The following MTUS2 variants were observed in gnomAD, a reference collection of about 807,000 sequenced individuals.
The protein encoded by MTUS2 is microtubule-associated tumor suppressor candidate 2.
A neutral mutation model predicts 114.1 loss-of-function variants in MTUS2; 40 were observed. The ratio of observed to expected loss-of-function variants is 0.35; its 90% CI spans 0.27 to 0.46. The LOEUF is 0.46. Among genes scored for constraint, MTUS2 ranks in the 20% least tolerant of loss-of-function variants. The probability of loss-of-function intolerance (pLI) is 1.00; values close to 1 mark genes in which losing one functional copy is unlikely to be tolerated. For missense variants in MTUS2, 1,679 were observed against 1,705.4 expected, an observed-to-expected ratio of 0.98 and a Z score of 0.27; for synonymous variants, 688 against 672.0, an observed-to-expected ratio of 1.02 and a Z score of -0.37.
chr13:28,944,796 G>A (rs972396794), intron 2 of MTUS2, among the ~76,000 whole-genome samples: 2 of 152,138 alleles, frequency 1.3e-5, no homozygotes, highest in African/African-American at 4.8e-5. Context: ...AACACCATTC[G>A]TGATAGGTAC....
intron 5 of MTUS2, among the ~76,000 whole-genome samples, chr13:29,239,112 A>G (rs1370070608): frequency 6.6e-6 from 1 of 152,196 alleles, no homozygotes; most frequent in Non-Finnish European, 1.5e-5. Context: ...TGTTCTCACC[A>G]CAGACACACA....
At chr13:29,196,483 C>G (rs1169113350) in intron 5 of MTUS2, among the ~76,000 whole-genome samples, 1 of 151,952 alleles carries the variant, frequency 6.6e-6, no homozygotes, top group Admixed American at 6.6e-5. Context: ...AATTTACTAT[C>G]TTAACCATTT....
chr13:28,876,802 C>A (rs1877961777), intron 2 of MTUS2, among the ~76,000 whole-genome samples: 1 of 152,142 alleles, frequency 6.6e-6, no homozygotes, highest in Admixed American at 6.6e-5. Flanking sequence ...GGTAAATGAT[C>A]AAACAATGTT....
chr13:28,831,578 T>C (rs563761020), intron 1 of MTUS2, among the ~76,000 whole-genome samples: 1 of 152,160 alleles, frequency 6.6e-6, no homozygotes, highest in African/African-American at 2.4e-5. Context: ...GTTAAAGGGA[T>C]CAATTTCTCA....
chr13:29,242,926 C>T (rs1422035841), intron 5 of MTUS2, among the ~76,000 whole-genome samples: 2 of 152,278 alleles, frequency 1.3e-5, no homozygotes, highest in Non-Finnish European at 2.9e-5. Flanking sequence ...GCCCAAGTAA[C>T]TTCCACTGGT....
intron 4 of MTUS2, among the ~76,000 whole-genome samples, chr13:29,045,322 C>T (rs1469239513): frequency 6.6e-6 from 1 of 152,090 alleles, no homozygotes; most frequent in East Asian, 1.9e-4. Context: ...CAGATGGATG[C>T]ATTTTTGCCA....
At chr13:29,355,631 A>T (rs996474921) in intron 7 of MTUS2, among the ~76,000 whole-genome samples, 2 of 152,250 alleles carry the variant, frequency 1.3e-5, no homozygotes, top group African/African-American at 4.8e-5. Flanking sequence ...TGCCTTGCAC[A>T]GTCTTATTCA....
At chr13:28,849,476 A>C (rs1306908161) in intron 2 of MTUS2, among the ~76,000 whole-genome samples, 1 of 152,200 alleles carries the variant, frequency 6.6e-6, no homozygotes, top group Non-Finnish European at 1.5e-5. Flanking sequence ...CCAAAAAGCA[A>C]ACTCAACACA....
rs561525732 is a variant in MTUS2, at chr13:29,291,748, C to T, written c.2806+9883C>T. 2.5e-3 allele frequency among the ~76,000 whole-genome samples: 379 copies of T among 152,278 alleles called. 2 individuals carry two copies. Among genetic ancestry groups the T allele is most frequent in the African/African-American group, 8.8e-3 (366 of 41,542 alleles). ...TGAGGGAGAGGCCTTCATTTTGTTT[C>T]CCAGCTCAGATAGGAGGCCACACAC... is the stretch of plus-strand genomic sequence containing the variant. On this transcript the variant is annotated intron_variant, in intron 6 of 15. Transcript: ENST00000612955.
chr13:29,173,005 G>A (rs766364120), intron 5 of MTUS2, among the ~76,000 whole-genome samples: 14 of 151,594 alleles, frequency 9.2e-5, no homozygotes, highest in Non-Finnish European at 1.8e-4. Flanking sequence ...CATATATCTC[G>A]TGTACCTAGT....
intron 2 of MTUS2, among the ~76,000 whole-genome samples, chr13:28,842,038 T>C (rs2137991269): frequency 6.6e-6 from 1 of 152,266 alleles, no homozygotes; most frequent in Admixed American, 6.5e-5. Context: ...TTCCCCTCTA[T>C]GTGTATGGTG....
chr13:29,347,757 A>G (rs1272200795), intron 7 of MTUS2, among the ~76,000 whole-genome samples: 2 of 152,340 alleles, frequency 1.3e-5, no homozygotes, highest in East Asian at 1.9e-4. Context: ...GTAGGTGTGT[A>G]TGTGACCCAC....
intron 5 of MTUS2, among the ~76,000 whole-genome samples, chr13:29,154,918 A>C (rs1440696598): frequency 6.6e-6 from 1 of 152,240 alleles, no homozygotes; most frequent in Non-Finnish European, 1.5e-5. Context: ...ATTGGCACAC[A>C]GACATAAGTC....
chr13:29,258,322 G>A (rs538233367), intron 5 of MTUS2, among the ~76,000 whole-genome samples: 25 of 152,260 alleles, frequency 1.6e-4, no homozygotes, highest in African/African-American at 4.6e-4. Flanking sequence ...TCAAGCCAGC[G>A]ACAGTGTGTT....
rs7321109 is a variant in MTUS2, at chr13:29,254,839, C to T, written c.2645-26865C>T. On this transcript the variant is annotated intron_variant, in intron 5 of 15. Coordinates refer to ENST00000612955, the MANE Select transcript of MTUS2 (RefSeq NM_001033602.4). ...TTTTTCATCTTTTTGTACTCTTGAT[C>T]CAGAAATATACAAGTGCCAGCCATG... Among the ~76,000 whole-genome samples, 422 of 152,322 alleles carry T rather than the reference C, an allele frequency of 2.8e-3. 2 individuals are homozygous for T. Among genetic ancestry groups the T allele is most frequent in the African/African-American group, 9.5e-3 (395 of 41,568 alleles).
At chr13:29,064,669 G>C (rs115236857) in intron 4 of MTUS2, among the ~76,000 whole-genome samples, 2,472 of 152,180 alleles carry the variant, frequency 0.016, 69 homozygotes, top group African/African-American at 0.056. Context: ...TACATGTGCA[G>C]GTTGTTATAT....
rs775496757 is a variant in MTUS2, at chr13:29,504,429, T to G, written c.*1223T>G. 4.3e-5 allele frequency: 10 copies of G among 232,144 alleles called. No homozygotes were observed. Among genetic ancestry groups the G allele is most frequent in the Non-Finnish European group, 8.5e-5 (10 of 117,472 alleles). The allele number at this position is 232,144 out of a possible 1,614,324, so 14.4% of individuals were successfully genotyped here. On this transcript the variant is annotated 3_prime_UTR_variant, in exon 16 of 16. Transcript: ENST00000612955. ...CACCATTTCTGTCCCGGGGGACCAG[T>G]TCTGAGCTGTGCTAGATCATCACAC...
At chr13:28,889,835 G>A (rs1342996659) in intron 2 of MTUS2, among the ~76,000 whole-genome samples, 1 of 152,106 alleles carries the variant, frequency 6.6e-6, no homozygotes, top group African/African-American at 2.4e-5. Context: ...GTATGCATGT[G>A]TTTTCTGCTC....
Position 29,505,223 on chromosome 13 carries a change from G to A in MTUS2, c.*2017G>A, listed in dbSNP as rs1415479200. 2 of 231,940 alleles carry A rather than the reference G, an allele frequency of 8.6e-6. No individual in the cohort carries two copies. The highest frequency in any genetic ancestry group is 5.6e-5 in the Admixed American group (1 of 17,710). 14.4% of individuals were successfully genotyped at this position (231,940 alleles called of 1,614,324 possible). ...ACACAAATTCAGTTACAGCTTAGCT[G>A]TCCGAATTAGGAACCGCTTACATAG... On this transcript the variant is annotated 3_prime_UTR_variant, in exon 16 of 16. Transcript: ENST00000612955.
Sources: allele counts gnomAD v4.1 joint callset (sites outside exome capture counted in the v4.1 genomes callset), GRCh38; gene constraint gnomAD v4.1.1; transcripts MANE v1.5; gene names NCBI Gene and HGNC (gene_info 2026-07-23, HGNC 2026-07-21).